Variants in GTF3C1 observed in about 807,000 individuals in gnomAD.
GTF3C1 encodes the protein general transcription factor IIIC subunit 1.
In GTF3C1, 57 loss-of-function variants were observed where a neutral mutation model predicts 226.7. The ratio of observed to expected loss-of-function variants is 0.25; its 90% CI spans 0.20 to 0.31. The LOEUF is 0.31. Ranked by LOEUF, GTF3C1 falls within the 10% of genes least tolerant of loss-of-function variation. GTF3C1 has a pLI of 1.00. For missense variants in GTF3C1, 2,217 were observed against 2,776.1 expected, an observed-to-expected ratio of 0.80 and a Z score of 4.53; for synonymous variants, 1,090 against 1,084.8, an observed-to-expected ratio of 1.00 and a Z score of -0.09.
chr16:27,516,167 C>G (rs2088655203), intron 6 of GTF3C1, among the ~76,000 whole-genome samples: 1 of 152,226 alleles, frequency 6.6e-6, no homozygotes, highest in Non-Finnish European at 1.5e-5. Flanking sequence ...CCCAAAGCTG[C>G]CCTCTGGTCA....
chr16:27,544,392 A>G (rs907016253), intron 2 of GTF3C1, among the ~76,000 whole-genome samples: 24 of 151,922 alleles, frequency 1.6e-4, no homozygotes, highest in African/African-American at 5.8e-4. Context: ...CTCAAAAAAA[A>G]GAAAAAGAAA....
chr16:27,546,869 C>G (rs1477761317), intron 1 of GTF3C1, among the ~76,000 whole-genome samples: 2 of 151,956 alleles, frequency 1.3e-5, no homozygotes, highest in South Asian at 4.1e-4. Context: ...TGGGTTCAAG[C>G]GATTCTCCTG....
chr16:27,490,803 C>T (rs981108682), intron 19 of GTF3C1, among the ~76,000 whole-genome samples: 1 of 152,152 alleles, frequency 6.6e-6, no homozygotes, highest in Non-Finnish European at 1.5e-5. Flanking sequence ...GATTGCATCT[C>T]ATTATATGAC....
chr16:27,538,503 C>A, intron 2 of GTF3C1, 147 bp from the exon 3 acceptor site: 2 of 550,596 alleles, frequency 3.6e-6, no homozygotes, highest in East Asian at 6.1e-5. Context: ...AAGTTTCAGT[C>A]TTAGAAGTGT....
At chr16:27,488,136 A>C in intron 23 of GTF3C1, 91 bp downstream of exon 23, 5 of 1,088,726 alleles carry the variant, frequency 4.6e-6, no homozygotes, top group South Asian at 1.5e-5. Context: ...GCTGAAGGGC[A>C]GAGCTCAGGC....
chr16:27,484,713 A>T (rs1211961327), intron 24 of GTF3C1, among the ~76,000 whole-genome samples: 14 of 152,258 alleles, frequency 9.2e-5, no homozygotes, highest in Admixed American at 9.2e-4. Flanking sequence ...TGTCCTAATT[A>T]TGCATCATGT....
rs971382737 is a variant in GTF3C1 at position 27,461,720 on chromosome 16, G to A, written c.6118-158C>T. ...CATGAGGCAGATGGGGATGTACCAG[G>A]AGGGTTCAGGCAAAGGCCCTGGTGG... is the stretch of plus-strand genomic sequence containing the variant. On this transcript the variant is annotated intron_variant, in intron 36 of 36. Coordinates refer to ENST00000356183, the MANE Select transcript of GTF3C1 (RefSeq NM_001520.4). The surrounding 1 kb of genome is among the most constrained non-coding windows in gnomAD (Gnocchi z 5.3). 3.2e-6 allele frequency: 2 copies of A among 626,558 alleles called. No homozygotes were observed. Among genetic ancestry groups the A allele is most frequent in the Non-Finnish European group, 5.7e-6 (2 of 352,582 alleles). The allele number at this position is 626,558 out of a possible 1,614,324, so 38.8% of individuals were successfully genotyped here. A position where few individuals can be genotyped will look rare whatever the true frequency, so the allele number is the denominator to read the frequency against.
intron 10 of GTF3C1, 29 bp downstream of exon 10, chr16:27,505,870 G>A (rs751005804): frequency 8.0e-7 from 1 of 1,254,452 alleles, no homozygotes; most frequent in Admixed American, 1.7e-5. Context: ...CCTTCTTGGA[G>A]ACAGCTCCCT....
Position 27,501,239 on chromosome 16 carries a change from G to C in GTF3C1, c.2013C>G (p.Leu671=). Residue 671 remains leucine (L), a synonymous_variant, in exon 12 of 37, where the codon CTC becomes CTG. Transcript: ENST00000356183. The part of the protein sequence containing the change: ...RLVRNLSEEG[L]LRLYRTTVIQ... ...TGACAGTGGTCCGATACAATCGCAA[G>C]AGACCTTCCTCAGACAGGTTCCGCA... 1 of 1,614,134 alleles carries C rather than the reference G, an allele frequency of 6.2e-7. No individual in the cohort carries two copies. Among genetic ancestry groups the C allele is most frequent in the Non-Finnish European group, 8.5e-7 (1 of 1,179,986 alleles).
At chr16:27,498,441 T>C (rs913499050) in intron 13 of GTF3C1, among the ~76,000 whole-genome samples, 189 bp downstream of exon 13, 5 of 151,542 alleles carry the variant, frequency 3.3e-5, no homozygotes, top group Non-Finnish European at 5.9e-5. Flanking sequence ...CCATTAGGAC[T>C]TTTTTTTTCC....
Position 27,507,229 on chromosome 16 carries a change from G to C in GTF3C1, c.1243-73C>G. 8.6e-7 allele frequency: 1 copy of C among 1,161,388 alleles called. No individual in the cohort carries two copies. Among genetic ancestry groups the C allele is most frequent in the East Asian group, 2.4e-5 (1 of 42,296 alleles). 71.9% of individuals were successfully genotyped at this position (1,161,388 alleles called of 1,614,324 possible). On this transcript the variant is annotated intron_variant, in intron 8 of 36. Transcript: ENST00000356183. This position sits in a 1 kb window ranked among gnomAD's most constrained non-coding sequence, Gnocchi z 4.9. Reference sequence around the variant, plus strand: ...CCCACAGGGGTTCAGGTGGTCTGTGGCATCTATTTCCTTATTGGCTTTCTT... The same window carrying C: ...CCCACAGGGGTTCAGGTGGTCTGTGCCATCTATTTCCTTATTGGCTTTCTT...
chr16:27,478,851 C>CAAAA (rs770105315), intron 27 of GTF3C1, among the ~76,000 whole-genome samples: 1 of 80,404 alleles, frequency 1.2e-5, no homozygotes, highest in Non-Finnish European at 2.6e-5. Flanking sequence ...TGTTACAATC[C>CAAAA]AAAAAAAAAA....
chr16:27,498,858 AG>A, intron 12 of GTF3C1, 125 bp from the exon 13 acceptor site: 2 of 662,494 alleles, frequency 3.0e-6, no homozygotes, highest in South Asian at 3.3e-5. Flanking sequence ...AAACACGATT[AG>A]GAGATCGAAA....
At position 27,464,473 on chromosome 16, in the gene GTF3C1, C is replaced by T. The variant is rs746922725; in HGVS notation, c.5719G>A (p.Ala1907Thr). ...GCTGGGGGTGGAGATGGGGCCTGGG[C>T]TTCTGCCCCATCTTCAGCTCCGGGC... ...LGPGAEDGAEAQAPSPPPALE... is the reference protein window; with the variant it reads ...LGPGAEDGAETQAPSPPPALE... The change falls in exon 34 of 37, where the codon GCC (alanine) becomes ACC (threonine). Residue 1907 changes from alanine (A) to threonine (T), a missense_variant. Ala to Thr is a moderately conservative substitution (Grantham distance 58). Transcript: ENST00000356183. 51 of 1,568,998 alleles carry T rather than the reference C, an allele frequency of 3.3e-5. No individual in the cohort carries two copies. The highest frequency in any genetic ancestry group is 4.2e-5 in the Non-Finnish European group (49 of 1,161,076).
At chr16:27,509,635 G>A (rs1352192529) in intron 7 of GTF3C1, among the ~76,000 whole-genome samples, 1 of 151,784 alleles carries the variant, frequency 6.6e-6, no homozygotes, top group African/African-American at 2.4e-5. Flanking sequence ...GCGGGCGCCT[G>A]TAGTCCCAGC....
chr16:27,544,541 G>C (rs1050741993), intron 2 of GTF3C1, among the ~76,000 whole-genome samples: 3 of 152,024 alleles, frequency 2.0e-5, no homozygotes, highest in Non-Finnish European at 4.4e-5. Context: ...CCTCCTCCGA[G>C]ATGAGAGTAG....
chr16:27,476,256 T>A (rs563006077), intron 29 of GTF3C1, among the ~76,000 whole-genome samples, 195 bp downstream of exon 29: 2 of 152,238 alleles, frequency 1.3e-5, no homozygotes, highest in South Asian at 4.2e-4. Context: ...TTGTATAACA[T>A]AAACATACAC....
At position 27,464,718 on chromosome 16, in the gene GTF3C1, G is replaced by A. The variant is rs377528153; in HGVS notation, c.5474C>T (p.Ala1825Val). The A allele has an allele frequency of 5.6e-6, 9 of 1,596,030 alleles. No homozygotes were observed. Among genetic ancestry groups the A allele is most frequent in the Middle Eastern group, 1.7e-4 (1 of 6,032 alleles). The change falls in exon 34 of 37, where the codon GCC (alanine) becomes GTC (valine). Residue 1825 changes from alanine to valine, a missense_variant. This residue lies in a region of GTF3C1 where 455 missense variants were observed against 441.9 expected (regional missense o/e 1.03). Transcript: ENST00000356183. ...CTGGGGGTCTTCTCTCTGGATGTCG[G>A]CGTCTTCTCTGTCTTTCAGCCGCAC... ...HSVRLKDREDADIQREDPQAR... is the reference protein window; with the variant it reads ...HSVRLKDREDVDIQREDPQAR...
chr16:27,497,446 A>G (rs893086734), intron 14 of GTF3C1, among the ~76,000 whole-genome samples, 191 bp downstream of exon 14: 5 of 152,154 alleles, frequency 3.3e-5, no homozygotes, highest in Non-Finnish European at 7.4e-5. Context: ...AATTGTTCCC[A>G]TTTTTGCAGA....
Sources: gnomAD v4.1 joint callset for allele counts (sites outside exome capture counted in the v4.1 genomes callset) on GRCh38, gnomAD v4.1.1 for gene constraint, gnomAD v4.1.1 regional missense constraint, Gnocchi (gnomAD v3.1) non-coding constraint, MANE v1.5 for transcripts, NCBI Gene and HGNC (gene_info 2026-07-23, HGNC 2026-07-21) for gene names.